COBL: variants seen among roughly 807,000 people sequenced by gnomAD.
COBL encodes the protein cordon-bleu WH2 repeat protein, also known as protein cordon-bleu.
COBL carries 51 observed loss-of-function variants against 98.8 expected under a neutral mutation model. The ratio of observed to expected loss-of-function variants is 0.52; its 90% CI spans 0.41 to 0.65. The LOEUF is 0.65. Among genes scored for constraint, COBL ranks in the 30% least tolerant of loss-of-function variants. COBL has a pLI of 0.00. For missense variants in COBL, 1,617 were observed against 1,617.5 expected (o/e 1.00, Z 0.01); for synonymous variants, 634 against 651.7 (o/e 0.97, Z 0.41).
At chr7:51,106,946 C>T (rs867317389) in intron 6 of COBL, among the ~76,000 whole-genome samples, 1 of 152,050 alleles carries the variant, frequency 6.6e-6, no homozygotes. Context: ...ATTTTCATTA[C>T]AAATTGACAG....
intron 6 of COBL, among the ~76,000 whole-genome samples, chr7:51,088,806 C>G (rs1794529343): frequency 6.6e-6 from 1 of 152,212 alleles, no homozygotes; most frequent in Non-Finnish European, 1.5e-5. Context: ...GCTCGGCCAT[C>G]TTCTGCACAG....
chr7:51,309,478 T>C (rs906600934), intron 1 of COBL, among the ~76,000 whole-genome samples: 1 of 152,034 alleles, frequency 6.6e-6, no homozygotes, highest in African/African-American at 2.4e-5. Context: ...TCTTAACACC[T>C]CCCAAATCTG....
At chr7:51,097,585 C>T (rs1795389722) in intron 6 of COBL, among the ~76,000 whole-genome samples, 1 of 152,194 alleles carries the variant, frequency 6.6e-6, no homozygotes, top group South Asian at 2.1e-4. Flanking sequence ...AGAACTAATA[C>T]ATACATTCAG....
intron 1 of COBL, among the ~76,000 whole-genome samples, chr7:51,270,837 A>T (rs542437113): frequency 9.1e-4 from 134 of 148,056 alleles, no homozygotes; most frequent in African/African-American, 3.3e-3. Flanking sequence ...AAAAATCAAA[A>T]CCAAAAAAAA....
chr7:51,125,709 C>T (rs949157743), intron 6 of COBL, among the ~76,000 whole-genome samples: 5 of 152,088 alleles, frequency 3.3e-5, no homozygotes, highest in Non-Finnish European at 7.4e-5. Context: ...ATAACTGCCA[C>T]GTGGCACTTT....
At chr7:51,263,615 A>G (rs1031459085) in intron 1 of COBL, among the ~76,000 whole-genome samples, 9 of 151,498 alleles carry the variant, frequency 5.9e-5, no homozygotes, top group African/African-American at 1.9e-4. Context: ...GAGTGCTTTT[A>G]GTTGAAGCTT....
At chr7:51,192,426 G>A (rs1032295667) in intron 3 of COBL, among the ~76,000 whole-genome samples, 7 of 152,120 alleles carry the variant, frequency 4.6e-5, no homozygotes, top group Non-Finnish European at 1.0e-4. Context: ...TGGCCAACAT[G>A]GTGAAACCTT....
intron 7 of COBL, chr7:51,082,993 C>T (rs1793819867): frequency 1.4e-6 from 2 of 1,464,334 alleles, no homozygotes; most frequent in African/African-American, 2.8e-5. Context: ...AAACCCAGCC[C>T]TGACATCGCA....
rs118003232 is a variant in COBL at position 51,245,821 on chromosome 7, T to C, written c.42-25877A>G. On this transcript the variant is annotated intron_variant, in intron 1 of 12. Transcript: ENST00000265136. ...GCACCTCGCAAACCATATGGCACTA[T>C]TCAAACATTGGGGCACTTTTAAAGT... Among the ~76,000 whole-genome samples, 376 of 152,316 alleles carry C rather than the reference T, an allele frequency of 2.5e-3. 5 individuals are homozygous for C. Among genetic ancestry groups the C allele is most frequent in the South Asian group, 3.9e-3 (19 of 4,822 alleles).
chr7:51,188,435 T>C (rs190484683), intron 4 of COBL, among the ~76,000 whole-genome samples: 21 of 152,316 alleles, frequency 1.4e-4, no homozygotes, highest in African/African-American at 5.1e-4. Context: ...TGTCTTTTCT[T>C]TTCGAATATT....
At chr7:51,181,807 G>A (rs564072839) in intron 5 of COBL, among the ~76,000 whole-genome samples, 27 of 151,926 alleles carry the variant, frequency 1.8e-4, no homozygotes, top group African/African-American at 1.9e-4. Flanking sequence ...ATCCACGAAC[G>A]GGACTGGATC....
chr7:51,218,964 A>G (rs190052619), intron 2 of COBL, among the ~76,000 whole-genome samples: 6 of 152,312 alleles, frequency 3.9e-5, no homozygotes, highest in East Asian at 3.9e-4. Flanking sequence ...TTTATTATAC[A>G]TTGGGTTATC....
At chr7:51,267,477 T>C (rs1798324956) in intron 1 of COBL, among the ~76,000 whole-genome samples, 1 of 151,274 alleles carries the variant, frequency 6.6e-6, no homozygotes, top group Non-Finnish European at 1.5e-5. Flanking sequence ...TTTATTTGTA[T>C]TTTTATATAT....
In COBL at chr7:51,140,048, C is replaced by T. The variant is rs116147415; in HGVS notation, c.784-3717G>A. Among the ~76,000 whole-genome samples, 1,099 of 152,220 alleles carry T rather than the reference C, an allele frequency of 7.2e-3. 13 individuals carry two copies. The highest frequency in any genetic ancestry group is 0.026 in the African/African-American group (1,067 of 41,536). On this transcript the variant is annotated intron_variant, in intron 5 of 12. Transcript: ENST00000265136. ...GTAGGGAAGTGAGTCATAGCTCTCACCAAAGGTTGGCACCAAAATCCACAG... is the reference window on the plus strand; with the variant it reads ...GTAGGGAAGTGAGTCATAGCTCTCATCAAAGGTTGGCACCAAAATCCACAG...
intron 7 of COBL, among the ~76,000 whole-genome samples, chr7:51,061,146 A>G (rs773116262): frequency 3.3e-5 from 5 of 152,226 alleles, no homozygotes; most frequent in Non-Finnish European, 5.9e-5. Context: ...GACATTATAA[A>G]TACCAGCTGT....
intron 2 of COBL, among the ~76,000 whole-genome samples, chr7:51,206,127 T>C (rs2129070597): frequency 6.6e-6 from 1 of 152,320 alleles, no homozygotes; most frequent in South Asian, 2.1e-4. Flanking sequence ...GAAAACAGTC[T>C]GGTGGTTCTT....
rs1786319527 is a variant in COBL at position 51,016,723 on chromosome 7, CA to C, written c.*827del. The C allele has an allele frequency of 5.2e-6, 2 of 382,648 alleles. No homozygotes were observed. The highest frequency in any genetic ancestry group is 9.0e-5 in the Admixed American group (2 of 22,136). The allele number at this position is 382,648 out of a possible 1,614,324, so 23.7% of individuals were successfully genotyped here. ...GATTCCAGAAGGCTCCCAGTGAAGTCATCAGGCTCCGTACACAGGCACCGTG... is the reference window on the plus strand; with the variant it reads ...GATTCCAGAAGGCTCCCAGTGAAGTCTCAGGCTCCGTACACAGGCACCGTG... On this transcript the variant is annotated 3_prime_UTR_variant, in exon 13 of 13. Coordinates refer to ENST00000265136, the MANE Select transcript of COBL (RefSeq NM_015198.5).
At chr7:51,153,975 A>G (rs1785828631) in intron 5 of COBL, among the ~76,000 whole-genome samples, 1 of 152,112 alleles carries the variant, frequency 6.6e-6, no homozygotes, top group South Asian at 2.1e-4. Context: ...GTGTCCTTCC[A>G]TGGCGTCCCC....
chr7:51,102,500 T>A (rs1795895822), intron 6 of COBL, among the ~76,000 whole-genome samples: 1 of 152,060 alleles, frequency 6.6e-6, no homozygotes, highest in African/African-American at 2.4e-5. Flanking sequence ...ACTCTGGGAG[T>A]GGCACTTCAT....
Sources: gnomAD v4.1 joint callset for allele counts (sites outside exome capture counted in the v4.1 genomes callset) on GRCh38, gnomAD v4.1.1 for gene constraint, MANE v1.5 for transcripts, NCBI Gene and HGNC (gene_info 2026-07-23, HGNC 2026-07-21) for gene names.